ATP8A1: variants seen among roughly 807,000 people sequenced by gnomAD.
The protein encoded by ATP8A1 is ATPase phospholipid transporting 8A1, also known as phospholipid-transporting ATPase IA.
In ATP8A1, 90 loss-of-function variants were observed where a neutral mutation model predicts 177.7. The observed-to-expected ratio is 0.51, with a 90% CI of 0.43 to 0.60. ATP8A1 has a LOEUF of 0.60. ATP8A1 is among the 20% of genes least tolerant of loss of function. The probability of loss-of-function intolerance (pLI) is 0.00; values close to 1 mark genes in which losing one functional copy is unlikely to be tolerated. For missense variants in ATP8A1, 1,072 were observed against 1,392.8 expected (o/e 0.77, Z 3.67); for synonymous variants, 493 against 485.9 (o/e 1.01, Z -0.19).
chr4:42,634,294 T>G (rs993928600), intron 1 of ATP8A1, among the ~76,000 whole-genome samples: 1 of 152,192 alleles, frequency 6.6e-6, no homozygotes, highest in African/African-American at 2.4e-5. Context: ...ATGAAAGAAA[T>G]GTAGGATTTT....
At chr4:42,419,978 G>A (rs542337203) in intron 35 of ATP8A1, among the ~76,000 whole-genome samples, 5 of 152,008 alleles carry the variant, frequency 3.3e-5, no homozygotes, top group South Asian at 2.1e-4. Flanking sequence ...ACTCCAGCCC[G>A]GGTGACAGTG....
chr4:42,489,871 T>A (rs1289992223), intron 24 of ATP8A1, among the ~76,000 whole-genome samples: 2 of 152,120 alleles, frequency 1.3e-5, no homozygotes, highest in Non-Finnish European at 2.9e-5. Context: ...TAGTGACTTG[T>A]AAAAGTGAAA....
chr4:42,429,317 C>A (rs1272587907), intron 33 of ATP8A1, among the ~76,000 whole-genome samples: 1 of 151,898 alleles, frequency 6.6e-6, no homozygotes, highest in East Asian at 1.9e-4. Context: ...CCCCAGCTCC[C>A]AGTCTGAATC....
intron 24 of ATP8A1, among the ~76,000 whole-genome samples, chr4:42,487,154 C>T (rs1424871696): frequency 1.3e-5 from 2 of 152,002 alleles, no homozygotes; most frequent in Non-Finnish European, 1.5e-5. Flanking sequence ...GGGATGGTGA[C>T]CTGTGACTTG....
intron 22 of ATP8A1, among the ~76,000 whole-genome samples, chr4:42,509,581 C>A (rs1724783461): frequency 6.6e-6 from 1 of 152,194 alleles, no homozygotes; most frequent in Non-Finnish European, 1.5e-5. Flanking sequence ...TGTTTCTTGG[C>A]CAGGCGCGGT....
intron 16 of ATP8A1, among the ~76,000 whole-genome samples, chr4:42,553,082 A>G (rs769459698): frequency 4.6e-5 from 7 of 152,254 alleles, no homozygotes; most frequent in African/African-American, 7.2e-5. Flanking sequence ...CTAAGAAGCC[A>G]ACATCAATTA....
At chr4:42,584,215 G>A (rs2109351308) in intron 9 of ATP8A1, among the ~76,000 whole-genome samples, 1 of 152,232 alleles carries the variant, frequency 6.6e-6, no homozygotes, top group Admixed American at 6.5e-5. Flanking sequence ...CCACTACAAT[G>A]CCTGGGAGAT....
intron 30 of ATP8A1, 139 bp from the exon 31 acceptor site, chr4:42,446,783 A>AC: frequency 4.4e-6 from 3 of 684,284 alleles, no homozygotes; most frequent in Non-Finnish European, 7.2e-6. Flanking sequence ...AAAAAAAAAA[A>AC]CAACCCCAAA....
At position 42,524,770 on chromosome 4, in the gene ATP8A1, A is replaced by G; in HGVS notation, c.1800T>C (p.Ala600=). The G allele has an allele frequency of 6.2e-7, 1 of 1,602,872 alleles. No individual in the cohort carries two copies. The highest frequency in any genetic ancestry group is 2.2e-5 in the East Asian group (1 of 44,620). ...EITLKHLEQF[A]TEGLRTLCFA... ...TTGCCAAATTACACTTACCTTCTGT[A>G]GCAAACTGCTCTAAATGTTTTAGGG... The change falls in exon 21 of 37, where the codon GCT becomes GCC. Residue 600 remains alanine (A), a synonymous_variant. Transcript: ENST00000381668.
At position 42,464,932 on chromosome 4, in the gene ATP8A1, G is replaced by T. The variant is rs775666433; in HGVS notation, c.2469C>A (p.Gly823=). The change falls in exon 26 of 37, where the codon GGC becomes GGA. Residue 823 remains glycine, a synonymous_variant. Coordinates refer to ENST00000381668, the MANE Select transcript of ATP8A1 (RefSeq NM_006095.2). ...AGTCAGAGGAATTAGCTGCCTGCAGGCCTTCATTGCCACTGATACCAACAC... is the reference window on the plus strand; with the variant it reads ...AGTCAGAGGAATTAGCTGCCTGCAGTCCTTCATTGCCACTGATACCAACAC... ...HVGVGISGNE[G]LQAANSSDYS... The T allele has an allele frequency of 3.1e-6, 5 of 1,614,214 alleles. No homozygotes were observed. Among genetic ancestry groups the T allele is most frequent in the South Asian group, 1.1e-5 (1 of 91,088 alleles).
intron 27 of ATP8A1, among the ~76,000 whole-genome samples, chr4:42,462,440 C>T (rs113502460): frequency 1.3e-5 from 2 of 152,360 alleles, no homozygotes; most frequent in African/African-American, 4.8e-5. Context: ...GCAGTGGCTT[C>T]ACAGGGTGCA....
At chr4:42,651,222 A>C (rs895197928) in intron 1 of ATP8A1, among the ~76,000 whole-genome samples, 2 of 151,990 alleles carry the variant, frequency 1.3e-5, no homozygotes, top group Admixed American at 6.6e-5. Flanking sequence ...TAAATTGCCC[A>C]GTCTCGGTAC....
intron 33 of ATP8A1, among the ~76,000 whole-genome samples, chr4:42,430,956 T>A (rs563417370): frequency 9.3e-5 from 14 of 151,246 alleles, no homozygotes; most frequent in Non-Finnish European, 1.9e-4. Context: ...CCCCACCCCA[T>A]CCTCTCCCCT....
At chr4:42,566,300 C>T (rs939887954) in intron 15 of ATP8A1, among the ~76,000 whole-genome samples, 2 of 152,080 alleles carry the variant, frequency 1.3e-5, no homozygotes, top group Admixed American at 1.3e-4. Flanking sequence ...ACATGGAATT[C>T]AATGAACTTT....
intron 22 of ATP8A1, among the ~76,000 whole-genome samples, chr4:42,517,105 T>C (rs561118300): frequency 6.7e-6 from 1 of 148,926 alleles, no homozygotes; most frequent in African/African-American, 2.6e-5. Flanking sequence ...ATCGAGACCA[T>C]CCTGGCCAAC....
intron 21 of ATP8A1, among the ~76,000 whole-genome samples, chr4:42,524,427 T>C (rs927343426): frequency 6.6e-6 from 1 of 152,112 alleles, no homozygotes; most frequent in African/African-American, 2.4e-5. Flanking sequence ...ATCTGTTTTT[T>C]TTTTTTGAGT....
intron 1 of ATP8A1, among the ~76,000 whole-genome samples, chr4:42,643,765 T>A (rs1417673601): frequency 1.3e-5 from 2 of 152,120 alleles, no homozygotes; most frequent in Non-Finnish European, 2.9e-5. Context: ...GATTCGCTGG[T>A]AGGTATTATC....
intron 24 of ATP8A1, among the ~76,000 whole-genome samples, chr4:42,490,601 C>CTTGAG (rs1722650898): frequency 6.6e-6 from 1 of 152,162 alleles, no homozygotes; most frequent in African/African-American, 2.4e-5. Context: ...TTTACCTAAT[C>CTTGAG]CCCTCTAGTT....
chr4:42,619,119 G>A (rs964864958), intron 4 of ATP8A1, among the ~76,000 whole-genome samples: 59 of 150,764 alleles, frequency 3.9e-4, no homozygotes, highest in African/African-American at 1.4e-3. Flanking sequence ...GTGGGATCTC[G>A]GCTCATTGCA....
Sources: gnomAD v4.1 joint callset for allele counts (sites outside exome capture counted in the v4.1 genomes callset) on GRCh38, gnomAD v4.1.1 for gene constraint, MANE v1.5 for transcripts, NCBI Gene and HGNC (gene_info 2026-07-23, HGNC 2026-07-21) for gene names.